SAMD3: variants seen among roughly 807,000 people sequenced by gnomAD.
SAMD3 encodes sterile alpha motif domain containing 3.
In SAMD3, 63 loss-of-function variants were observed where a neutral mutation model predicts 58.5. The ratio of observed to expected loss-of-function variants is 1.08; its 90% CI spans 0.88 to 1.33. The LOEUF (loss-of-function observed/expected upper bound fraction) is 1.33. SAMD3 is among the 40% of genes most tolerant of loss of function. SAMD3 has a pLI of 0.00. For missense variants in SAMD3, 604 were observed against 608.4 expected (o/e 0.99, Z 0.08); for synonymous variants, 220 against 210.3 (o/e 1.05, Z -0.40).
At chr6:130,330,732 G>A (rs1025489118) in intron 1 of SAMD3, among the ~76,000 whole-genome samples, 1 of 152,010 alleles carries the variant, frequency 6.6e-6, no homozygotes, top group African/African-American at 2.4e-5. Context: ...GAGGTGGCTT[G>A]GGTTTTTCTT....
chr6:130,268,783 A>T (rs1221356397), intron 2 of SAMD3, among the ~76,000 whole-genome samples: 2 of 152,176 alleles, frequency 1.3e-5, no homozygotes, highest in Non-Finnish European at 2.9e-5. Context: ...TATGATGTTC[A>T]CACAATGACA....
intron 1 of SAMD3, among the ~76,000 whole-genome samples, chr6:130,348,993 A>G (rs895672041): frequency 5.9e-5 from 9 of 152,130 alleles, no homozygotes; most frequent in Non-Finnish European, 1.3e-4. Context: ...GTACATAACG[A>G]AATGAAGGCA....
intron 2 of SAMD3, among the ~76,000 whole-genome samples, chr6:130,295,870 T>C (rs1291203857): frequency 6.6e-6 from 1 of 152,142 alleles, no homozygotes; most frequent in African/African-American, 2.4e-5. Flanking sequence ...ATAGACATAA[T>C]AGTAAAAATG....
At chr6:130,147,488 G>A (rs1221524595) in intron 9 of SAMD3, among the ~76,000 whole-genome samples, 1 of 152,184 alleles carries the variant, frequency 6.6e-6, no homozygotes, top group East Asian at 1.9e-4. Context: ...TTTCTTTTCT[G>A]ACTTTTTATG....
chr6:130,170,128 C>T (rs533202226), intron 8 of SAMD3, among the ~76,000 whole-genome samples: 48 of 152,244 alleles, frequency 3.2e-4, no homozygotes, highest in Non-Finnish European at 6.8e-4. Flanking sequence ...TTTGCTGCAC[C>T]TATCAACCTG....
At position 130,154,962 on chromosome 6, in the gene SAMD3, C is replaced by G; in HGVS notation, c.886G>C (p.Val296Leu). The stretch of plus-strand genomic sequence containing the variant: ...TCTCTCCAGTCCTTTTCTGTTTTCA[C>G]GTATTCTTGCTGGAACCACTTAATA... ...EHIKWFQQEY[V>L]KTEKDWREID... The change falls in exon 9 of 12, where the codon GTG (valine) becomes CTG (leucine). Residue 296 changes from valine to leucine, a missense_variant. Transcript: ENST00000439090. 1 of 1,613,368 alleles carries G rather than the reference C, an allele frequency of 6.2e-7. No individual in the cohort carries two copies. Among genetic ancestry groups the G allele is most frequent in the Non-Finnish European group, 8.5e-7 (1 of 1,179,682 alleles).
At chr6:130,223,544 C>T (rs1298176400), upstream of SAMD3, among the ~76,000 whole-genome samples, 2 of 152,208 alleles carry the variant, frequency 1.3e-5, no homozygotes, top group Non-Finnish European at 2.9e-5. Context: ...CTGGTAGAGT[C>T]AAGCTGGGCT....
chr6:130,176,207 C>T, intron 7 of SAMD3, 199 bp from the exon 8 acceptor site: 1 of 648,554 alleles, frequency 1.5e-6, no homozygotes, highest in Non-Finnish European at 2.8e-6. Flanking sequence ...AATTATAAAC[C>T]CTAAGTTATA....
chr6:130,288,217 G>A (rs758783540), intron 2 of SAMD3, among the ~76,000 whole-genome samples: 5 of 152,192 alleles, frequency 3.3e-5, no homozygotes. Flanking sequence ...ATTTTAAGGA[G>A]TTGGCTCACC....
At chr6:130,244,119 A>G (rs1037073766) in intron 2 of SAMD3, among the ~76,000 whole-genome samples, 2 of 152,232 alleles carry the variant, frequency 1.3e-5, no homozygotes, top group African/African-American at 4.8e-5. Context: ...GCAAGTAGAA[A>G]GTACATTTTA....
In SAMD3 at chr6:130,183,302, A is replaced by G. The variant is rs181931381; in HGVS notation, c.654+801T>C. 1.3e-3 allele frequency: 580 copies of G among 438,214 alleles called. 2 individuals carry two copies. Among genetic ancestry groups the G allele is most frequent in the African/African-American group, 0.011 (509 of 46,276 alleles). 27.1% of individuals were successfully genotyped at this position (438,214 alleles called of 1,614,324 possible). A position where few individuals can be genotyped will look rare whatever the true frequency, so the allele number is the denominator to read the frequency against. ...CAGTGAGCTGAGATCGCGCCACTAT[A>G]CTCCAGCCTGAGTGAGAGAGCGAGA... is the stretch of plus-strand genomic sequence containing the variant. On this transcript the variant is annotated intron_variant, in intron 7 of 11. Transcript: ENST00000439090.
intron 2 of SAMD3, among the ~76,000 whole-genome samples, chr6:130,274,990 C>A (rs1002494727): frequency 6.6e-6 from 1 of 152,090 alleles, no homozygotes; most frequent in African/African-American, 2.4e-5. Context: ...TGCTGACCAG[C>A]AGTACTGGCA....
chr6:130,175,360 T>A (rs1274401208), intron 8 of SAMD3, among the ~76,000 whole-genome samples: 1 of 151,964 alleles, frequency 6.6e-6, no homozygotes, highest in Admixed American at 6.6e-5. Context: ...CACTTCTGGG[T>A]TGGGGTGGAA....
intron 1 of SAMD3, among the ~76,000 whole-genome samples, chr6:130,313,402 T>G (rs933102495): frequency 6.6e-6 from 1 of 152,138 alleles, no homozygotes; most frequent in South Asian, 2.1e-4. Context: ...AACAAACATG[T>G]TTTGAGACAT....
intron 5 of SAMD3, among the ~76,000 whole-genome samples, chr6:130,207,859 A>G (rs1454017952): frequency 6.6e-6 from 1 of 152,118 alleles, no homozygotes; most frequent in Non-Finnish European, 1.5e-5. Context: ...GAGAGGGAAA[A>G]AGAGCGGAGA....
At chr6:130,276,628 C>T (rs918382701) in intron 2 of SAMD3, among the ~76,000 whole-genome samples, 1 of 152,086 alleles carries the variant, frequency 6.6e-6, no homozygotes, top group Admixed American at 6.6e-5. Context: ...TGTATATACA[C>T]TTACATTATA....
chr6:130,176,209 T>A, intron 7 of SAMD3: 1 of 646,336 alleles, frequency 1.5e-6, no homozygotes. Flanking sequence ...TTATAAACCC[T>A]AAGTTATAGG....
chr6:130,270,940 T>C (rs545915863), intron 2 of SAMD3, among the ~76,000 whole-genome samples: 9 of 152,202 alleles, frequency 5.9e-5, no homozygotes, highest in Non-Finnish European at 1.0e-4. Flanking sequence ...ATTTTAAATA[T>C]TGGCAGATAC....
At chr6:130,240,936 T>C (rs1006186134) in intron 2 of SAMD3, among the ~76,000 whole-genome samples, 10 of 152,136 alleles carry the variant, frequency 6.6e-5, no homozygotes, top group African/African-American at 2.4e-4. Context: ...TGAACACCTG[T>C]CTTTACCTGG....
Sources: allele counts gnomAD v4.1 joint callset (sites outside exome capture counted in the v4.1 genomes callset), GRCh38; gene constraint gnomAD v4.1.1; transcripts MANE v1.5; gene names NCBI Gene and HGNC (gene_info 2026-07-23, HGNC 2026-07-21).